Variants in SORCS3 observed in about 807,000 individuals in gnomAD.
SORCS3 encodes sortilin related VPS10 domain containing receptor 3.
Under a neutral mutation model 146.3 loss-of-function variants are expected in SORCS3, and 57 were observed. That is an observed-to-expected ratio of 0.39 (90% confidence interval 0.31 to 0.49). SORCS3 has a LOEUF of 0.49. Among genes scored for constraint, SORCS3 ranks in the 20% least tolerant of loss-of-function variants. SORCS3 has a pLI of 0.92. For synonymous variants in SORCS3, 653 were observed against 618.5 expected, an observed-to-expected ratio of 1.06 and a Z score of -0.83; for missense variants, 1,341 against 1,575.5, an observed-to-expected ratio of 0.85 and a Z score of 2.52.
At chr10:104,718,773 G>A (rs1229044669) in intron 1 of SORCS3, among the ~76,000 whole-genome samples, 3 of 152,160 alleles carry the variant, frequency 2.0e-5, no homozygotes, top group South Asian at 2.1e-4. Context: ...AAGTAGGCCC[G>A]AGGAACTGGA....
In SORCS3 at chr10:104,753,947, G is replaced by C. The variant is rs765718141; in HGVS notation, c.628-88845G>C. Reference sequence around the variant, plus strand: ...AGTTGAGAATGTATATATCTGGAAGGTTTAAATCATAGTTACATCCTGTAA... The same window carrying C: ...AGTTGAGAATGTATATATCTGGAAGCTTTAAATCATAGTTACATCCTGTAA... On this transcript the variant is annotated intron_variant, in intron 1 of 26. Coordinates refer to ENST00000369701, the MANE Select transcript of SORCS3 (RefSeq NM_014978.3). Among the ~76,000 whole-genome samples, 47 of 152,178 alleles carry C rather than the reference G, an allele frequency of 3.1e-4. 1 individual carries two copies. The highest frequency in any genetic ancestry group is 6.0e-4 in the Non-Finnish European group (41 of 68,040).
At chr10:104,656,679 AAAAG>A (rs985146320) in intron 1 of SORCS3, among the ~76,000 whole-genome samples, 13 of 152,248 alleles carry the variant, frequency 8.5e-5, no homozygotes, top group Admixed American at 7.8e-4. Context: ...AACAAAAAGA[AAAAG>A]AAAAAAAGTA....
chr10:105,129,614 T>A (rs2056003258), intron 7 of SORCS3, among the ~76,000 whole-genome samples: 2 of 151,874 alleles, frequency 1.3e-5, no homozygotes, highest in South Asian at 4.2e-4. Flanking sequence ...AGTTCGTATC[T>A]GTCCTTTTGT....
intron 5 of SORCS3, among the ~76,000 whole-genome samples, chr10:105,075,786 G>A (rs1043578859): frequency 1.3e-5 from 2 of 152,100 alleles, no homozygotes; most frequent in South Asian, 2.1e-4. Context: ...ACAGAGGGAA[G>A]GGATCCCTAG....
At chr10:104,874,932 C>T (rs2018555755) in intron 2 of SORCS3, among the ~76,000 whole-genome samples, 1 of 152,172 alleles carries the variant, frequency 6.6e-6, no homozygotes, top group Non-Finnish European at 1.5e-5. Flanking sequence ...TTTGGAACTA[C>T]CTTACCATAA....
At chr10:105,167,230 A>ATTGTTG (rs576495900) in intron 12 of SORCS3, 28 bp from the exon 13 acceptor site, 6 of 1,485,214 alleles carry the variant, frequency 4.0e-6, no homozygotes, top group South Asian at 2.3e-5. Context: ...TGTTGCTATG[A>ATTGTTG]TTGTTGTTGT....
chr10:104,786,549 A>AAATAAT (rs10644058), intron 1 of SORCS3, among the ~76,000 whole-genome samples: 13,171 of 140,458 alleles, frequency 0.094, 769 homozygotes, highest in Middle Eastern at 0.18. Context: ...ACTCCATCTA[A>AAATAAT]AATAATAATA....
At position 104,915,947 on chromosome 10, in the gene SORCS3, C is replaced by G; in HGVS notation, c.795+15C>G. The G allele has an allele frequency of 6.3e-7, 1 of 1,598,250 alleles. No individual in the cohort carries two copies. The highest frequency in any genetic ancestry group is 8.6e-7 in the Non-Finnish European group (1 of 1,165,564). ...ACAAAAGGAAGGTAAGAGACTGGGT[C>G]AGTAGGTCCTGAGCACTCCTGCTGG... On this transcript the variant is annotated intron_variant, in intron 3 of 26. Coordinates refer to ENST00000369701, the MANE Select transcript of SORCS3 (RefSeq NM_014978.3).
At chr10:104,847,104 T>C (rs1308710789) in intron 2 of SORCS3, among the ~76,000 whole-genome samples, 1 of 152,176 alleles carries the variant, frequency 6.6e-6, no homozygotes, top group African/African-American at 2.4e-5. Context: ...GAGAACTGCA[T>C]ATGGTGCATG....
intron 1 of SORCS3, among the ~76,000 whole-genome samples, chr10:104,729,021 TTCTGA>T (rs1436786215): frequency 6.6e-6 from 1 of 152,212 alleles, no homozygotes; most frequent in Non-Finnish European, 1.5e-5. Flanking sequence ...AGTGGGAATG[TTCTGA>T]AAGACTGGAG....
intron 3 of SORCS3, among the ~76,000 whole-genome samples, chr10:104,970,960 A>T (rs990130703): frequency 1.1e-4 from 17 of 152,224 alleles, no homozygotes; most frequent in Non-Finnish European, 1.2e-4. Flanking sequence ...CATGATAGAA[A>T]ATTGGTGGCA....
chr10:104,887,971 G>GGGGT (rs145157471), intron 2 of SORCS3, among the ~76,000 whole-genome samples: 5 of 83,112 alleles, frequency 6.0e-5, no homozygotes, highest in Non-Finnish European at 9.9e-5. Flanking sequence ...GGGGGGCGGG[G>GGGGT]GCGGAGCAAG....
intron 1 of SORCS3, among the ~76,000 whole-genome samples, chr10:104,775,590 C>G (rs1488495753): frequency 6.6e-6 from 1 of 152,174 alleles, no homozygotes; most frequent in African/African-American, 2.4e-5. Context: ...TGTTGACAAT[C>G]AGGACAGAAA....
intron 1 of SORCS3, among the ~76,000 whole-genome samples, chr10:104,742,324 G>A (rs890245350): frequency 6.6e-6 from 1 of 152,156 alleles, no homozygotes; most frequent in African/African-American, 2.4e-5. Context: ...TTTGGTGCTG[G>A]GTGACAAGTC....
chr10:104,825,917 T>C (rs1430227305), intron 1 of SORCS3, among the ~76,000 whole-genome samples: 2 of 152,336 alleles, frequency 1.3e-5, no homozygotes, highest in East Asian at 3.9e-4. Flanking sequence ...TTCAACAGCA[T>C]TGCGTTTTCA....
Position 105,230,732 on chromosome 10 carries a change from C to A in SORCS3, c.2868+7483C>A, listed in dbSNP as rs2056761198. ...TAGCAGCAGCTAGGTGCAGTGGTGA[C>A]TGTCTGTGGGGGATGTCAACAGGGC... On this transcript the variant is annotated intron_variant, in intron 20 of 26. Coordinates refer to ENST00000369701, the MANE Select transcript of SORCS3 (RefSeq NM_014978.3). Among the ~76,000 whole-genome samples the A allele has an allele frequency of 2.0e-5, 3 of 152,256 alleles. 1 individual carries two copies. The South Asian group carries it at 6.2e-4, about 32-fold the overall frequency.
rs116920740 is a variant in SORCS3, at chr10:105,070,306, T to G, written c.1029-19469T>G. Among the ~76,000 whole-genome samples the G allele has an allele frequency of 4.1e-3, 621 of 152,334 alleles. 3 individuals carry two copies. The highest frequency in any genetic ancestry group is 4.6e-3 in the Non-Finnish European group (312 of 68,030). ...AGAGTGGTTATCAGTCCAAGTTAATTAGTAGGTGGTACAGCCAGGATCCAA... is the reference window on the plus strand; with the variant it reads ...AGAGTGGTTATCAGTCCAAGTTAATGAGTAGGTGGTACAGCCAGGATCCAA... On this transcript the variant is annotated intron_variant, in intron 5 of 26. Transcript: ENST00000369701.
intron 4 of SORCS3, among the ~76,000 whole-genome samples, chr10:104,985,900 G>A (rs943693885): frequency 1.3e-5 from 2 of 152,178 alleles, no homozygotes; most frequent in African/African-American, 4.8e-5. Flanking sequence ...GGCTTTGCTG[G>A]TCCATTTATA....
chr10:104,798,069 A>C (rs994968601), intron 1 of SORCS3, among the ~76,000 whole-genome samples: 1 of 152,136 alleles, frequency 6.6e-6, no homozygotes, highest in African/African-American at 2.4e-5. Flanking sequence ...AATATTTAAT[A>C]ACTAGTAAGG....
Sources: gnomAD v4.1 joint callset for allele counts (sites outside exome capture counted in the v4.1 genomes callset) on GRCh38, gnomAD v4.1.1 for gene constraint, MANE v1.5 for transcripts, NCBI Gene and HGNC (gene_info 2026-07-23, HGNC 2026-07-21) for gene names.